The following FXYD5 variants were observed in gnomAD, a reference collection of about 807,000 sequenced individuals.
The protein encoded by FXYD5 is FXYD domain-containing ion transport regulator 5.
A neutral mutation model predicts 25.7 loss-of-function variants in FXYD5; 21 were observed. That is an observed-to-expected ratio of 0.82 (90% confidence interval 0.58 to 1.18). FXYD5 has a LOEUF of 1.18. Ranked by LOEUF, FXYD5 falls within the 50% of genes most tolerant of loss-of-function variation. The pLI, the probability that FXYD5 is intolerant of heterozygous loss-of-function variation, is 0.00. For missense variants in FXYD5, 229 were observed against 227.7 expected (o/e 1.01, Z -0.04); for synonymous variants, 101 against 90.7 (o/e 1.11, Z -0.64).
chr19:35,155,366 C>T, intron 1 of FXYD5, 185 bp from the exon 2 acceptor site: 2 of 598,404 alleles, frequency 3.3e-6, no homozygotes, highest in Non-Finnish European at 6.0e-6. Flanking sequence ...AGCAGGGTGA[C>T]GGTTTGGTAT....
chr19:35,157,760 G>A (rs999640394), intron 3 of FXYD5: 3 of 361,258 alleles, frequency 8.3e-6, no homozygotes, highest in South Asian at 5.4e-5. Context: ...ATCCCTTGAA[G>A]CCTGGGGCTG....
intron 4 of FXYD5, among the ~76,000 whole-genome samples, chr19:35,158,803 T>C (rs1167731845): frequency 6.6e-6 from 1 of 152,134 alleles, no homozygotes; most frequent in Non-Finnish European, 1.5e-5. Flanking sequence ...TTTTGAACAA[T>C]TTTTGGACGT....
rs770139102 is a variant in FXYD5, at chr19:35,164,177, C to T, written c.314C>T (p.Thr105Met). 3.2e-5 allele frequency: 52 copies of T among 1,613,978 alleles called. No individual in the cohort carries two copies. The highest frequency in any genetic ancestry group is 1.3e-4 in the South Asian group (12 of 91,088). Reference sequence around the variant, plus strand: ...TCAGCTCATCCCACTGATGACACCACGACGCTCTCTGAGAGACCATCCCCA... The same window carrying T: ...TCAGCTCATCCCACTGATGACACCATGACGCTCTCTGAGAGACCATCCCCA... ...TKAAHPTDDT[T>M]TLSERPSPST... is the part of the protein sequence containing the mutation. Residue 105 changes from threonine (T) to methionine (M), a missense_variant, in exon 6 of 9, where the codon ACG becomes ATG. Coordinates refer to ENST00000392219, the MANE Select transcript of FXYD5 (RefSeq NM_014164.6).
At chr19:35,155,278 C>G (rs1033806603) in intron 1 of FXYD5, 2 of 540,006 alleles carry the variant, frequency 3.7e-6, no homozygotes, top group African/African-American at 3.8e-5. Flanking sequence ...TTCAGGAGTG[C>G]CCGCCGGCCC....
intron 2 of FXYD5, among the ~76,000 whole-genome samples, chr19:35,155,910 G>A (rs1006807897): frequency 1.3e-5 from 2 of 152,164 alleles, no homozygotes; most frequent in Admixed American, 6.5e-5. Context: ...GATTGGTGTC[G>A]GTTTTCTACT....
intron 2 of FXYD5, 95 bp from the exon 3 acceptor site, chr19:35,157,326 C>G: frequency 1.5e-6 from 1 of 684,176 alleles, no homozygotes; most frequent in East Asian, 2.7e-5. Flanking sequence ...CACCAGCAGA[C>G]AGGACCCCTA....
intron 2 of FXYD5, among the ~76,000 whole-genome samples, chr19:35,156,060 G>T (rs376765817): frequency 1.3e-5 from 2 of 152,224 alleles, no homozygotes; most frequent in Non-Finnish European, 2.9e-5. Flanking sequence ...GGAACCACAG[G>T]GGGGTATTGA....
intron 5 of FXYD5, among the ~76,000 whole-genome samples, 158 bp downstream of exon 5, chr19:35,160,959 AC>A (rs1426260202): frequency 6.6e-6 from 1 of 152,144 alleles, no homozygotes; most frequent in East Asian, 1.9e-4. Flanking sequence ...TATTTGGGGA[AC>A]CCTGAGTTAA....
chr19:35,168,749 C>A (rs182788571), intron 8 of FXYD5, among the ~76,000 whole-genome samples: 18 of 152,276 alleles, frequency 1.2e-4, no homozygotes, highest in Non-Finnish European at 2.2e-4. Context: ...TCCCTTACGT[C>A]CTTCAGACCT....
In FXYD5 at chr19:35,155,292, C is replaced by T. The variant is rs1001648814; in HGVS notation, c.1-259C>T. The T allele has an allele frequency of 8.2e-5, 46 of 558,042 alleles. No homozygotes were observed. In the African/African-American group the frequency reaches 8.3e-4, roughly 10 times the overall value. The allele number at this position is 558,042 out of a possible 1,614,324, so 34.6% of individuals were successfully genotyped here. A position where few individuals can be genotyped will look rare whatever the true frequency, so the allele number is the denominator to read the frequency against. ...CTTCAGGAGTGCCCGCCGGCCCTTG[C>T]AGCTGCTGGAAGACCCATTTATCTC... On this transcript the variant is annotated intron_variant, in intron 1 of 8. Coordinates refer to ENST00000392219, the MANE Select transcript of FXYD5 (RefSeq NM_014164.6).
chr19:35,167,946 C>T (rs899092144), intron 8 of FXYD5, among the ~76,000 whole-genome samples: 1 of 152,058 alleles, frequency 6.6e-6, no homozygotes, highest in Non-Finnish European at 1.5e-5. Context: ...TGGCGGGACA[C>T]GGTGGCTCAC....
intron 2 of FXYD5, among the ~76,000 whole-genome samples, chr19:35,155,923 G>A (rs1476889554): frequency 1.3e-5 from 2 of 152,240 alleles, no homozygotes; most frequent in African/African-American, 4.8e-5. Context: ...TTTCTACTCA[G>A]CAGCCAGGAA....
chr19:35,169,519 A>G, intron 8 of FXYD5, 47 bp from the exon 9 acceptor site: 4 of 1,418,308 alleles, frequency 2.8e-6, no homozygotes, highest in Non-Finnish European at 4.0e-6. Context: ...CACGATAAGA[A>G]TCAATATCAC....
At chr19:35,164,768 G>A (rs2065436534) in intron 6 of FXYD5, among the ~76,000 whole-genome samples, 1 of 152,172 alleles carries the variant, frequency 6.6e-6, no homozygotes, top group Non-Finnish European at 1.5e-5. Flanking sequence ...TGCTAGGCTA[G>A]TTCTAGGGGA....
At chr19:35,159,781 T>TA in intron 4 of FXYD5, 1 of 1,076,338 alleles carries the variant, frequency 9.3e-7, no homozygotes, top group Non-Finnish European at 1.3e-6. Flanking sequence ...AGGCTGTGAG[T>TA]AACTGGTTCA....
intron 8 of FXYD5, among the ~76,000 whole-genome samples, chr19:35,168,565 G>T (rs2065470898): frequency 6.6e-6 from 1 of 152,142 alleles, no homozygotes; most frequent in Admixed American, 6.6e-5. Flanking sequence ...AGAGCTGAGG[G>T]GCTGGAGGAG....
intron 4 of FXYD5, chr19:35,159,650 T>G: frequency 1.3e-6 from 2 of 1,546,940 alleles, no homozygotes; most frequent in Non-Finnish European, 8.7e-7. Flanking sequence ...ACTTGGAATA[T>G]GTACTGACTA....
chr19:35,167,946 C>A (rs899092144), intron 8 of FXYD5, among the ~76,000 whole-genome samples: 1 of 152,058 alleles, frequency 6.6e-6, no homozygotes, highest in African/African-American at 2.4e-5. Context: ...TGGCGGGACA[C>A]GGTGGCTCAC....
chr19:35,166,206 A>AG (rs1210593593), intron 7 of FXYD5, 35 bp downstream of exon 7: 1 of 1,612,294 alleles, frequency 6.2e-7, no homozygotes, highest in Non-Finnish European at 8.5e-7. Context: ...GGGGAAGGAA[A>AG]GGTGAGGTCC....
Sources: gnomAD v4.1 joint callset for allele counts (sites outside exome capture counted in the v4.1 genomes callset) on GRCh38, gnomAD v4.1.1 for gene constraint, MANE v1.5 for transcripts, NCBI Gene and HGNC (gene_info 2026-07-23, HGNC 2026-07-21) for gene names.